The following CCSAP variants were observed in gnomAD, a reference collection of about 807,000 sequenced individuals.
The protein encoded by CCSAP is centriole, cilia and spindle associated protein.
CCSAP carries 17 observed loss-of-function variants against 25.9 expected under a neutral mutation model. The observed-to-expected ratio is 0.66, with a 90% CI of 0.45 to 0.99. The LOEUF (loss-of-function observed/expected upper bound fraction) is 0.99. Among genes scored for constraint, CCSAP ranks in the 50% least tolerant of loss-of-function variants. The pLI is 0.00. For synonymous variants in CCSAP, 169 were observed against 157.1 expected, an observed-to-expected ratio of 1.08 and a Z score of -0.57; for missense variants, 339 against 367.8, an observed-to-expected ratio of 0.92 and a Z score of 0.64.
intron 2 of CCSAP, 147 bp downstream of exon 2, chr1:229,341,952 G>T: frequency 1.8e-6 from 2 of 1,086,974 alleles, no homozygotes; most frequent in Non-Finnish European, 2.3e-6. Context: ...TCCCTATTTT[G>T]TCAAGAGAGA....
rs1372815388 is a variant in CCSAP, at chr1:229,323,923, G to T, written c.*1312C>A. 1 of 152,322 alleles carries T rather than the reference G, an allele frequency of 6.6e-6. No individual in the cohort carries two copies. Among genetic ancestry groups the T allele is most frequent in the Non-Finnish European group, 1.5e-5 (1 of 68,054 alleles). 9.4% of individuals were successfully genotyped at this position (152,322 alleles called of 1,614,324 possible). ...GGCAGAGCACCATTATCTCTTATAA[G>T]GAACTTAGCACATATCCTTCTAGCA... is the stretch of plus-strand genomic sequence containing the variant. On this transcript the variant is annotated 3_prime_UTR_variant, in exon 4 of 4. Transcript: ENST00000284617.
chr1:229,333,439 A>G (rs1273514185), intron 2 of CCSAP, among the ~76,000 whole-genome samples: 1 of 144,580 alleles, frequency 6.9e-6, no homozygotes, highest in African/African-American at 2.6e-5. Context: ...TCGAAAAAAA[A>G]AAAAAAAAAA....
Position 229,322,522 on chromosome 1 carries a change from ATATTAAC to A in CCSAP, c.*2706_*2712del, listed in dbSNP as rs1657849384. The stretch of plus-strand genomic sequence containing the variant: ...ATTCACATTTTTCCAAGTAAATAGA[ATATTAAC>A]TATAACTACTAACTATAATCTTTTA... On this transcript the variant is annotated 3_prime_UTR_variant, in exon 4 of 4. Transcript: ENST00000284617. 1 of 152,240 alleles carries A rather than the reference ATATTAAC, an allele frequency of 6.6e-6. No homozygotes were observed. The highest frequency in any genetic ancestry group is 2.1e-4 in the South Asian group (1 of 4,830). 9.4% of individuals were successfully genotyped at this position (152,240 alleles called of 1,614,324 possible).
chr1:229,337,678 A>AAAAAAAAAAAATATATATATATATAT, intron 2 of CCSAP, among the ~76,000 whole-genome samples: 1 of 65,514 alleles, frequency 1.5e-5, no homozygotes, highest in African/African-American at 6.0e-5. Flanking sequence ...CTCAAAAAAA[A>AAAAAAAAAAAATATATATATATATAT]ATATATATAT....
chr1:229,330,743 G>T (rs1209268857), intron 2 of CCSAP, among the ~76,000 whole-genome samples: 1 of 151,926 alleles, frequency 6.6e-6, no homozygotes, highest in African/African-American at 2.4e-5. Flanking sequence ...TACTTGGGAG[G>T]CTGAGGCAGG....
At chr1:229,326,681 A>T in intron 3 of CCSAP, 57 bp downstream of exon 3, 5 of 1,593,946 alleles carry the variant, frequency 3.1e-6, no homozygotes, top group Non-Finnish European at 4.3e-6. Context: ...TGACAGGCGC[A>T]TGGCCCAGCT....
chr1:229,337,678 A>AAAAAAAAAATATATATATATAT, intron 2 of CCSAP, among the ~76,000 whole-genome samples: 1 of 65,510 alleles, frequency 1.5e-5, no homozygotes, highest in African/African-American at 6.0e-5. Flanking sequence ...CTCAAAAAAA[A>AAAAAAAAAATATATATATATAT]ATATATATAT....
In CCSAP at chr1:229,326,906, A is replaced by G; in HGVS notation, c.468T>C (p.Ser156=). 1.2e-6 allele frequency: 2 copies of G among 1,614,148 alleles called. No individual in the cohort carries two copies. Among genetic ancestry groups the G allele is most frequent in the South Asian group, 1.1e-5 (1 of 91,080 alleles). The part of the protein sequence containing the change: ...PTSTEPRQQP[S]ALFARGNRKA... ...TCCTGTTTCCTCTAGCAAATAAGGCACTTGGTTGCTGTCGAGGCTCAGTAC... is the reference window on the plus strand; with the variant it reads ...TCCTGTTTCCTCTAGCAAATAAGGCGCTTGGTTGCTGTCGAGGCTCAGTAC... Residue 156 remains serine, a synonymous_variant, in exon 3 of 4, where the codon AGT becomes AGC. Coordinates refer to ENST00000284617, the MANE Select transcript of CCSAP (RefSeq NM_145257.5).
In CCSAP at chr1:229,327,120, C is replaced by T. The variant is rs913225014; in HGVS notation, c.368-114G>A. On this transcript the variant is annotated intron_variant, in intron 2 of 3. Coordinates refer to ENST00000284617, the MANE Select transcript of CCSAP (RefSeq NM_145257.5). ...AAGACAGTAACATTTTCACTTATGG[C>T]TCAACTCATACGATCCACTTAAAGT... 7 of 849,714 alleles carry T rather than the reference C, an allele frequency of 8.2e-6. No individual in the cohort carries two copies. In the Admixed American group the frequency reaches 9.5e-5, roughly 12 times the overall value. 52.6% of individuals were successfully genotyped at this position (849,714 alleles called of 1,614,324 possible). A position where few individuals can be genotyped will look rare whatever the true frequency, so the allele number is the denominator to read the frequency against.
intron 2 of CCSAP, 194 bp from the exon 3 acceptor site, chr1:229,327,200 TCAA>T (rs1166958662): frequency 2.0e-6 from 1 of 506,080 alleles, no homozygotes; most frequent in Non-Finnish European, 3.3e-6. Context: ...CATTTTAAAA[TCAA>T]CAACAAATAT....
chr1:229,336,033 G>T (rs1337979226), intron 2 of CCSAP, among the ~76,000 whole-genome samples: 1 of 151,442 alleles, frequency 6.6e-6, no homozygotes, highest in Non-Finnish European at 1.5e-5. Context: ...GTAATCTAGA[G>T]ATGATTTAAA....
intron 2 of CCSAP, among the ~76,000 whole-genome samples, chr1:229,334,878 A>G (rs556596560): frequency 1.3e-5 from 2 of 152,336 alleles, no homozygotes; most frequent in South Asian, 4.1e-4. Flanking sequence ...AAGGGAGGTG[A>G]TGACATCAGG....
chr1:229,337,851 T>A (rs1427862019), intron 2 of CCSAP, among the ~76,000 whole-genome samples: 1 of 150,524 alleles, frequency 6.6e-6, no homozygotes, highest in African/African-American at 2.4e-5. Flanking sequence ...ATAGCTAAAA[T>A]AAATAAGAAA....
intron 2 of CCSAP, chr1:229,340,755 C>T (rs1052044009): frequency 1.1e-5 from 3 of 274,906 alleles, no homozygotes; most frequent in African/African-American, 6.5e-5. Context: ...AGCAAAGCAA[C>T]CCGGCTCATA....
chr1:229,337,607 C>T (rs1217729897), intron 2 of CCSAP, among the ~76,000 whole-genome samples: 1 of 145,766 alleles, frequency 6.9e-6, no homozygotes, highest in African/African-American at 2.6e-5. Context: ...AAAGAAAGCC[C>T]AGTTCAGCAG....
Position 229,327,006 on chromosome 1 carries a change from G to A in CCSAP, c.368C>T (p.Ala123Val), listed in dbSNP as rs6587326. The A allele has an allele frequency of 7.3e-5, 117 of 1,599,730 alleles. No homozygotes were observed. In the African/African-American group the frequency reaches 1.4e-3, roughly 19 times the overall value. The change falls in exon 3 of 4, where the codon GCA becomes GTA. Residue 123 changes from alanine (A) to valine (V), a missense_variant and splice_region_variant. Ala to Val is a moderately conservative substitution (Grantham distance 64). Coordinates refer to ENST00000284617, the MANE Select transcript of CCSAP (RefSeq NM_145257.5). ...ATCTTCTACATCTTTCACTGGCAGTGCTTTTGAAAAGAGATAAATGAGATG... is the reference window on the plus strand; with the variant it reads ...ATCTTCTACATCTTTCACTGGCAGTACTTTTGAAAAGAGATAAATGAGATG... The part of the protein sequence containing the change: ...AEDAEDAALP[A>V]LPVKDVEDKP...
At chr1:229,328,185 G>A (rs1233189471) in intron 2 of CCSAP, among the ~76,000 whole-genome samples, 1 of 152,228 alleles carries the variant, frequency 6.6e-6, no homozygotes, top group African/African-American at 2.4e-5. Context: ...TGGTTCTGCT[G>A]AAGTAAGAGT....
At chr1:229,333,321 T>C in intron 2 of CCSAP, among the ~76,000 whole-genome samples, 1 of 150,112 alleles carries the variant, frequency 6.7e-6, no homozygotes, top group Non-Finnish European at 1.5e-5. Flanking sequence ...TAGTCCCAGC[T>C]ACTCCGGAGG....
rs71561730 is a variant in CCSAP at position 229,341,193 on chromosome 1, C to CAAAAAAAAAAAAAAAAAAA, written c.367+887_367+905dup. Among the ~76,000 whole-genome samples the CAAAAAAAAAAAAAAAAAAA allele has an allele frequency of 1.1e-3, 99 of 91,092 alleles. 3 individuals are homozygous for CAAAAAAAAAAAAAAAAAAA. Among genetic ancestry groups the CAAAAAAAAAAAAAAAAAAA allele is most frequent in the African/African-American group, 4.5e-3 (94 of 20,776 alleles). The allele number at this position is 91,092 out of a possible 152,430, so 59.8% of individuals were successfully genotyped here. A position where few individuals can be genotyped will look rare whatever the true frequency, so the allele number is the denominator to read the frequency against. ...TGGGCCACAGAGCGAGACTCCGTCT[C>CAAAAAAAAAAAAAAAAAAA]AAAAAAAAAAAAAAAAAAAGATTAC... is the stretch of plus-strand genomic sequence containing the variant. On this transcript the variant is annotated intron_variant, in intron 2 of 3. Coordinates refer to ENST00000284617, the MANE Select transcript of CCSAP (RefSeq NM_145257.5).
Sources: allele counts gnomAD v4.1 joint callset (sites outside exome capture counted in the v4.1 genomes callset), GRCh38; gene constraint gnomAD v4.1.1; transcripts MANE v1.5; gene names NCBI Gene and HGNC (gene_info 2026-07-23, HGNC 2026-07-21).